ZNF385B: variants seen among roughly 807,000 people sequenced by gnomAD.
ZNF385B encodes the protein zinc finger protein 385B.
Under a neutral mutation model 39.2 loss-of-function variants are expected in ZNF385B, and 23 were observed. That is an observed-to-expected ratio of 0.59 (90% confidence interval 0.42 to 0.83). The LOEUF (loss-of-function observed/expected upper bound fraction) is 0.83. Among genes scored for constraint, ZNF385B ranks in the 40% least tolerant of loss-of-function variants. ZNF385B has a pLI of 0.00. For synonymous variants in ZNF385B, 205 were observed against 222.6 expected, an observed-to-expected ratio of 0.92 and a Z score of 0.70; for missense variants, 552 against 598.9, an observed-to-expected ratio of 0.92 and a Z score of 0.82.
intron 1 of ZNF385B, among the ~76,000 whole-genome samples, chr2:179,805,505 A>G (rs1244697543): frequency 6.6e-6 from 1 of 152,154 alleles, no homozygotes; most frequent in Admixed American, 6.5e-5. Context: ...CTAATCTGTA[A>G]CTTAACAAAT....
intron 1 of ZNF385B, among the ~76,000 whole-genome samples, chr2:179,783,450 A>G (rs1704794252): frequency 6.6e-6 from 1 of 152,224 alleles, no homozygotes; most frequent in Non-Finnish European, 1.5e-5. Context: ...TGACATCAAA[A>G]GCAATCACAA....
intron 1 of ZNF385B, among the ~76,000 whole-genome samples, chr2:179,847,731 T>C (rs1434614930): frequency 6.6e-6 from 1 of 152,146 alleles, no homozygotes; most frequent in Non-Finnish European, 1.5e-5. Context: ...ATGGATGCTG[T>C]GGAAGGGACT....
chr2:179,491,869 T>A (rs995462898), intron 5 of ZNF385B, among the ~76,000 whole-genome samples: 4 of 151,968 alleles, frequency 2.6e-5, no homozygotes, highest in Non-Finnish European at 5.9e-5. Flanking sequence ...TGGCTATTTT[T>A]AAAAAATTTT....
chr2:179,721,111 C>T (rs1477534845), intron 3 of ZNF385B, among the ~76,000 whole-genome samples: 1 of 151,518 alleles, frequency 6.6e-6, no homozygotes, highest in Non-Finnish European at 1.5e-5. Flanking sequence ...ACTTTAAGGC[C>T]AAGGAATTAC....
chr2:179,733,387 CACATCACATT>C, intron 3 of ZNF385B, among the ~76,000 whole-genome samples: 1 of 152,220 alleles, frequency 6.6e-6, no homozygotes. Flanking sequence ...AACTTTTGAT[CACATCACATT>C]CCTTCCATTT....
intron 1 of ZNF385B, among the ~76,000 whole-genome samples, chr2:179,860,418 A>C (rs1029964585): frequency 6.6e-6 from 1 of 152,080 alleles, no homozygotes; most frequent in East Asian, 1.9e-4. Context: ...GCCCCCGCAC[A>C]TAACAGTGGC....
intron 6 of ZNF385B, among the ~76,000 whole-genome samples, chr2:179,453,532 G>C (rs1299147149): frequency 6.6e-6 from 1 of 152,112 alleles, no homozygotes; most frequent in African/African-American, 2.4e-5. Context: ...GGTAAGAAGG[G>C]GACACTGGGA....
At chr2:179,534,246 T>C (rs2059427129) in intron 4 of ZNF385B, among the ~76,000 whole-genome samples, 2 of 152,202 alleles carry the variant, frequency 1.3e-5, no homozygotes, top group African/African-American at 2.4e-5. Flanking sequence ...TGCTGTAATG[T>C]ACACAGCCAG....
chr2:179,758,349 C>T (rs1309943426), intron 3 of ZNF385B, among the ~76,000 whole-genome samples: 1 of 152,166 alleles, frequency 6.6e-6, no homozygotes, highest in African/African-American at 2.4e-5. Flanking sequence ...TCTCTCCTTC[C>T]AAGATGACGC....
intron 1 of ZNF385B, among the ~76,000 whole-genome samples, chr2:179,820,896 A>G (rs895696868): frequency 1.3e-5 from 2 of 152,154 alleles, no homozygotes; most frequent in African/African-American, 4.8e-5. Flanking sequence ...TAAAACCTTA[A>G]TGACATTATT....
chr2:179,482,601 G>A (rs1191926538), intron 6 of ZNF385B, among the ~76,000 whole-genome samples: 9 of 152,158 alleles, frequency 5.9e-5, no homozygotes, highest in Non-Finnish European at 1.2e-4. Flanking sequence ...CTTCTTCAGA[G>A]GCATTTCACC....
intron 3 of ZNF385B, among the ~76,000 whole-genome samples, chr2:179,582,248 C>T (rs1686612187): frequency 6.6e-6 from 1 of 152,182 alleles, no homozygotes; most frequent in South Asian, 2.1e-4. Flanking sequence ...ATTAATCTCA[C>T]AGGATTATAA....
At chr2:179,685,549 A>G (rs1697856834) in intron 3 of ZNF385B, among the ~76,000 whole-genome samples, 1 of 152,146 alleles carries the variant, frequency 6.6e-6, no homozygotes, top group South Asian at 2.1e-4. Context: ...TAGGAAGGAG[A>G]AATGGAAGTC....
intron 6 of ZNF385B, among the ~76,000 whole-genome samples, chr2:179,480,694 C>G (rs2053894974): frequency 1.4e-5 from 2 of 138,324 alleles, no homozygotes; most frequent in Non-Finnish European, 3.2e-5. Flanking sequence ...AGCAAATGCA[C>G]TCCTTTTTTT....
chr2:179,460,854 A>G (rs977513943), intron 6 of ZNF385B, among the ~76,000 whole-genome samples: 2 of 152,134 alleles, frequency 1.3e-5, no homozygotes, highest in East Asian at 1.9e-4. Context: ...CTAACCTCCA[A>G]GCTTTCAGGG....
intron 3 of ZNF385B, among the ~76,000 whole-genome samples, chr2:179,575,787 C>T (rs959209356): frequency 2.0e-5 from 3 of 151,626 alleles, no homozygotes; most frequent in Non-Finnish European, 4.4e-5. Context: ...TCTTAAAAGA[C>T]TTTTGTTTTT....
chr2:179,609,666 G>A (rs1689124003), intron 3 of ZNF385B, among the ~76,000 whole-genome samples: 2 of 152,158 alleles, frequency 1.3e-5, no homozygotes, highest in Non-Finnish European at 2.9e-5. Context: ...ATCCTCCATA[G>A]TAGCTGTACT....
chr2:179,521,734 C>T (rs543196835), intron 4 of ZNF385B, among the ~76,000 whole-genome samples: 8 of 152,198 alleles, frequency 5.3e-5, no homozygotes, highest in Non-Finnish European at 1.0e-4. Context: ...ATATGTAATC[C>T]TAATTTTTCT....
intron 3 of ZNF385B, chr2:179,583,915 A>G (rs1686810079): frequency 1.2e-5 from 16 of 1,303,870 alleles, no homozygotes; most frequent in Non-Finnish European, 1.6e-5. Flanking sequence ...CTGGGCCAGA[A>G]TGAAAAACCA....
Sources: gnomAD v4.1 joint callset for allele counts (sites outside exome capture counted in the v4.1 genomes callset) on GRCh38, gnomAD v4.1.1 for gene constraint, MANE v1.5 for transcripts, NCBI Gene and HGNC (gene_info 2026-07-23, HGNC 2026-07-21) for gene names.